ZSCAN5A: variants seen among roughly 807,000 people sequenced by gnomAD.
ZSCAN5A encodes zinc finger and SCAN domain-containing protein 5A.
A neutral mutation model predicts 23.7 loss-of-function variants in ZSCAN5A; 12 were observed. The ratio of observed to expected loss-of-function variants is 0.51; its 90% CI spans 0.32 to 0.82. The LOEUF (loss-of-function observed/expected upper bound fraction) is 0.82, where lower values mean the gene tolerates loss of function less well. ZSCAN5A is among the 40% of genes least tolerant of loss of function. The pLI is 0.03. For synonymous variants in ZSCAN5A, 257 were observed against 239.9 expected (o/e 1.07, Z -0.66); for missense variants, 597 against 617.9 (o/e 0.97, Z 0.36).
intron 3 of ZSCAN5A, 164 bp downstream of exon 3, chr19:56,224,495 CAACA>C: frequency 2.0e-6 from 2 of 1,010,538 alleles, no homozygotes; most frequent in Non-Finnish European, 2.9e-6. Context: ...TCCTCCCTGA[CAACA>C]AAAACTGTCC....
In ZSCAN5A at chr19:56,256,626, C is replaced by T. The variant is rs149667762; in HGVS notation, c.-127-31453G>A. ...ACACGTATTTTAAGATGCAGAAAAA[C>T]GGGGGAGACACTGAGGAGATTTAAA... On this transcript the variant is annotated intron_variant, in intron 2 of 5. Coordinates refer to ENST00000683990, the MANE Select transcript of ZSCAN5A (RefSeq NM_001322064.3). 3.5e-3 allele frequency among the ~76,000 whole-genome samples: 538 copies of T among 152,106 alleles called. 3 individuals are homozygous for T. Among genetic ancestry groups the T allele is most frequent in the Admixed American group, 0.02 (305 of 15,276 alleles).
intron 4 of ZSCAN5A, among the ~76,000 whole-genome samples, chr19:56,222,942 C>T (rs2033440578): frequency 6.6e-6 from 1 of 152,164 alleles, no homozygotes; most frequent in African/African-American, 2.4e-5. Context: ...TCTGCACCCT[C>T]CATATTCCAA....
At chr19:56,247,701 A>AT (rs1315584714) in intron 2 of ZSCAN5A, among the ~76,000 whole-genome samples, 2 of 112,454 alleles carry the variant, frequency 1.8e-5, no homozygotes, top group South Asian at 2.6e-4. Flanking sequence ...TTCTTTTATT[A>AT]TTTTTTTTGA....
At chr19:56,348,001 A>G (rs1367856060) in intron 2 of ZSCAN5A, 2 of 152,238 alleles carry the variant, frequency 1.3e-5, no homozygotes, top group East Asian at 3.9e-4. Context: ...AAGACGAAGC[A>G]ACTTCGACCC....
intron 2 of ZSCAN5A, among the ~76,000 whole-genome samples, chr19:56,350,711 G>A (rs1480516812): frequency 6.6e-6 from 1 of 152,136 alleles, no homozygotes; most frequent in Non-Finnish European, 1.5e-5. Context: ...TCTACTGTCA[G>A]TTATGGTCTA....
At chr19:56,297,890 T>C (rs1301454676) in intron 2 of ZSCAN5A, 1 of 152,018 alleles carries the variant, frequency 6.6e-6, no homozygotes, top group Non-Finnish European at 1.5e-5. Context: ...AGCCACCAAG[T>C]GATCCAGATG....
At chr19:56,258,878 C>G (rs529889323) in intron 2 of ZSCAN5A, among the ~76,000 whole-genome samples, 1 of 152,250 alleles carries the variant, frequency 6.6e-6, no homozygotes, top group South Asian at 2.1e-4. Context: ...GCACGAAGGC[C>G]TCAGTTCCCC....
intron 2 of ZSCAN5A, among the ~76,000 whole-genome samples, chr19:56,277,331 A>G (rs917298506): frequency 1.3e-5 from 2 of 152,230 alleles, no homozygotes; most frequent in African/African-American, 4.8e-5. Flanking sequence ...GTCTATGCAT[A>G]CAATGGAATA....
chr19:56,240,235 G>C (rs146091593), intron 2 of ZSCAN5A, among the ~76,000 whole-genome samples: 1 of 151,808 alleles, frequency 6.6e-6, no homozygotes, highest in African/African-American at 2.4e-5. Flanking sequence ...TATTTTCTGA[G>C]GCCTCCAAAT....
chr19:56,265,844 G>A (rs1453869085), intron 2 of ZSCAN5A, among the ~76,000 whole-genome samples: 1 of 152,138 alleles, frequency 6.6e-6, no homozygotes, highest in Non-Finnish European at 1.5e-5. Flanking sequence ...AAGGTTGGTT[G>A]GCTTTAGTGT....
intron 2 of ZSCAN5A, chr19:56,343,143 G>GGTC: frequency 2.7e-6 from 2 of 729,070 alleles, no homozygotes; most frequent in Non-Finnish European, 5.0e-6. Context: ...TGCCTAAAAT[G>GGTC]GTCCTTTATT....
At chr19:56,281,372 A>G (rs2038691377) in intron 2 of ZSCAN5A, among the ~76,000 whole-genome samples, 1 of 152,206 alleles carries the variant, frequency 6.6e-6, no homozygotes, top group African/African-American at 2.4e-5. Flanking sequence ...GTACACATAT[A>G]CATTTACATA....
intron 2 of ZSCAN5A, among the ~76,000 whole-genome samples, chr19:56,333,510 T>A (rs549667598): frequency 2.6e-5 from 4 of 152,212 alleles, no homozygotes; most frequent in African/African-American, 9.6e-5. Flanking sequence ...CTGATTTCTT[T>A]TTGACATGTT....
intron 2 of ZSCAN5A, chr19:56,319,996 A>C (rs2041358172): frequency 1.1e-6 from 1 of 929,026 alleles, no homozygotes; most frequent in Non-Finnish European, 1.8e-6. Context: ...GGACATTGAT[A>C]CTCTCTAATA....
At chr19:56,360,004 A>T (rs2041724538) in intron 2 of ZSCAN5A, among the ~76,000 whole-genome samples, 1 of 152,226 alleles carries the variant, frequency 6.6e-6, no homozygotes, top group Non-Finnish European at 1.5e-5. Flanking sequence ...CTCCCCTTGA[A>T]AACGGGCACA....
At position 56,287,304 on chromosome 19, in the gene ZSCAN5A, C is replaced by G. The variant is rs978500717; in HGVS notation, c.-128+25979G>C. 4.6e-5 allele frequency among the ~76,000 whole-genome samples: 7 copies of G among 152,380 alleles called. 1 individual carries two copies. In the South Asian group the frequency reaches 1.2e-3, roughly 27 times the overall value. On this transcript the variant is annotated intron_variant, in intron 2 of 5. Transcript: ENST00000683990. ...GGAAACATTTTACGGAAACCTATGA[C>G]TGAGTTTTGATGGAGAATGTCAGGA...
chr19:56,245,515 G>C, intron 2 of ZSCAN5A: 1 of 399,930 alleles, frequency 2.5e-6, no homozygotes, highest in East Asian at 4.4e-5. Flanking sequence ...GAGAGATTTG[G>C]CACAGGACAA....
intron 2 of ZSCAN5A, among the ~76,000 whole-genome samples, chr19:56,244,596 C>T (rs1568637605): frequency 1.2e-5 from 1 of 81,070 alleles, no homozygotes; most frequent in Non-Finnish European, 3.1e-5. Context: ...TTTTTGTTGT[C>T]ACAAGGGGGA....
At chr19:56,304,885 G>A in intron 2 of ZSCAN5A, 1 of 760,176 alleles carries the variant, frequency 1.3e-6, no homozygotes, top group Non-Finnish European at 1.6e-6. Context: ...GGTTAGGGGA[G>A]GTTCATCCCA....
Sources: gnomAD v4.1 joint callset for allele counts (sites outside exome capture counted in the v4.1 genomes callset) on GRCh38, gnomAD v4.1.1 for gene constraint, MANE v1.5 for transcripts, NCBI Gene and HGNC (gene_info 2026-07-23, HGNC 2026-07-21) for gene names.